Variants in MYRIP observed in about 807,000 individuals in gnomAD.
The protein encoded by MYRIP is myosin VIIA and Rab interacting protein.
Under a neutral mutation model 98.0 loss-of-function variants are expected in MYRIP, and 49 were observed. The ratio of observed to expected loss-of-function variants is 0.50; its 90% confidence interval spans 0.40 to 0.63. The LOEUF (loss-of-function observed/expected upper bound fraction) is 0.63, where lower values mean the gene tolerates loss of function less well. Among genes scored for constraint, MYRIP ranks in the 30% least tolerant of loss-of-function variants. The pLI, the probability that MYRIP is intolerant of heterozygous loss-of-function variation, is 0.00. For missense variants in MYRIP, 1,004 were observed against 1,058.2 expected (o/e 0.95, Z 0.71); for synonymous variants, 404 against 409.5 (o/e 0.99, Z 0.16).
chr3:40,195,796 T>C (rs1290480392), intron 10 of MYRIP, among the ~76,000 whole-genome samples: 3 of 152,162 alleles, frequency 2.0e-5, no homozygotes, highest in Admixed American at 1.3e-4. Context: ...TGGCAAGGGT[T>C]CCCTATTTTA....
chr3:40,055,259 T>C (rs6808392), intron 3 of MYRIP, among the ~76,000 whole-genome samples: 44,264 of 152,034 alleles, frequency 0.29, 6,528 homozygotes, highest in East Asian at 0.35. Flanking sequence ...GAAAACTACT[T>C]CTGAAAATAT....
intron 2 of MYRIP, among the ~76,000 whole-genome samples, chr3:39,951,599 A>G (rs894040787): frequency 4.6e-5 from 7 of 152,190 alleles, no homozygotes; most frequent in Non-Finnish European, 1.0e-4. Flanking sequence ...AACTTTGTGA[A>G]CATTAAATTT....
rs75923535 is a variant in MYRIP, at chr3:40,186,257, C to T, written c.1028-3569C>T. ...TTTTCCTTTCTTCTCAGAGTGAGTG[C>T]TCCACAGCCATGCTCGGAGTCCACT... On this transcript the variant is annotated intron_variant, in intron 9 of 16. Coordinates refer to ENST00000302541, the MANE Select transcript of MYRIP (RefSeq NM_015460.4). Among the ~76,000 whole-genome samples the T allele has an allele frequency of 8.2e-3, 1,251 of 152,156 alleles. 47 individuals are homozygous for T. Among genetic ancestry groups the T allele is most frequent in the Admixed American group, 0.059 (899 of 15,272 alleles).
chr3:40,015,822 C>A (rs1005670337), intron 2 of MYRIP, among the ~76,000 whole-genome samples: 1 of 152,178 alleles, frequency 6.6e-6, no homozygotes, highest in African/African-American at 2.4e-5. Flanking sequence ...ACACCTATAA[C>A]CTAACATCAT....
Position 40,252,000 on chromosome 3 carries a change from G to A in MYRIP, c.2547+1G>A, listed in dbSNP as rs769303792. ...GAAAGGCACCACCAAGGATTTGATGGTAAATGTCATCTCTGTCTTAATGTT... is the reference window on the plus strand; with the variant it reads ...GAAAGGCACCACCAAGGATTTGATGATAAATGTCATCTCTGTCTTAATGTT... On this transcript the variant is annotated splice_donor_variant, in intron 16 of 16. Transcript: ENST00000302541. LOFTEE classifies it high-confidence loss of function. 6.3e-7 allele frequency: 1 copy of A among 1,589,484 alleles called. No homozygotes were observed. The highest frequency in any genetic ancestry group is 8.6e-7 in the Non-Finnish European group (1 of 1,157,872).
At chr3:39,938,706 A>C (rs186572984) in intron 2 of MYRIP, among the ~76,000 whole-genome samples, 3 of 152,202 alleles carry the variant, frequency 2.0e-5, no homozygotes, top group African/African-American at 7.2e-5. Context: ...AGGTCTCACT[A>C]TGTTGCCCAG....
chr3:39,869,064 A>G (rs980845998), intron 1 of MYRIP, among the ~76,000 whole-genome samples: 1 of 152,132 alleles, frequency 6.6e-6, no homozygotes, highest in African/African-American at 2.4e-5. Context: ...TCCTACCTGG[A>G]GTTCTTCAAG....
At position 40,260,055 on chromosome 3, in the gene MYRIP, G is replaced by C. The variant is rs1028578982; in HGVS notation, c.*1889G>C. On this transcript the variant is annotated 3_prime_UTR_variant, in exon 17 of 17. Coordinates refer to ENST00000302541, the MANE Select transcript of MYRIP (RefSeq NM_015460.4). ...TTTCCTTGTGCCAAATAAGTGCAAA[G>C]ATTTAATTTACTATTAAAAACCATA... 5 of 152,606 alleles carry C rather than the reference G, an allele frequency of 3.3e-5. No homozygotes were observed. Among genetic ancestry groups the C allele is most frequent in the Non-Finnish European group, 7.3e-5 (5 of 68,032 alleles). 9.5% of individuals were successfully genotyped at this position (152,606 alleles called of 1,614,324 possible).
chr3:39,818,723 A>G (rs752292166), intron 1 of MYRIP, among the ~76,000 whole-genome samples: 1 of 152,184 alleles, frequency 6.6e-6, no homozygotes, highest in Non-Finnish European at 1.5e-5. Flanking sequence ...ATGTACAAGA[A>G]ACTCTTGAAG....
At chr3:40,194,422 T>C (rs938162855) in intron 10 of MYRIP, among the ~76,000 whole-genome samples, 2 of 152,098 alleles carry the variant, frequency 1.3e-5, no homozygotes, top group African/African-American at 4.8e-5. Context: ...AGAAGCCCGA[T>C]TCCCTTACAA....
At chr3:40,127,458 C>T (rs1363680851) in intron 3 of MYRIP, among the ~76,000 whole-genome samples, 1 of 152,200 alleles carries the variant, frequency 6.6e-6, no homozygotes, top group Non-Finnish European at 1.5e-5. Context: ...GATGTAGTTC[C>T]TTTCTTCCCT....
chr3:40,102,812 T>G (rs1948972060), intron 3 of MYRIP, among the ~76,000 whole-genome samples: 2 of 151,952 alleles, frequency 1.3e-5, no homozygotes, highest in Non-Finnish European at 2.9e-5. Flanking sequence ...TGACCCACAT[T>G]AAGAAGTTCT....
chr3:40,107,300 TG>T (rs1473347320), intron 3 of MYRIP, among the ~76,000 whole-genome samples: 1 of 152,194 alleles, frequency 6.6e-6, no homozygotes, highest in Non-Finnish European at 1.5e-5. Flanking sequence ...GCCTCCAGCT[TG>T]GTTTAATGCT....
At chr3:39,827,788 A>G (rs1941314667) in intron 1 of MYRIP, among the ~76,000 whole-genome samples, 1 of 152,076 alleles carries the variant, frequency 6.6e-6, no homozygotes, top group Non-Finnish European at 1.5e-5. Context: ...AGTGGTGATC[A>G]ATTCCCTGTT....
chr3:40,125,293 G>A (rs1949503039), intron 3 of MYRIP, among the ~76,000 whole-genome samples: 1 of 152,214 alleles, frequency 6.6e-6, no homozygotes, highest in Non-Finnish European at 1.5e-5. Flanking sequence ...TAGGCTGTCT[G>A]TAAGCTTGAG....
intron 2 of MYRIP, among the ~76,000 whole-genome samples, chr3:39,914,087 G>T (rs1487987422): frequency 6.6e-6 from 1 of 152,168 alleles, no homozygotes; most frequent in South Asian, 2.1e-4. Flanking sequence ...TTCTAGAACA[G>T]ACATACAAGA....
At position 40,167,119 on chromosome 3, in the gene MYRIP, A is replaced by G. The variant is rs542335323; in HGVS notation, c.649-40A>G. On this transcript the variant is annotated intron_variant, in intron 6 of 16. Transcript: ENST00000302541. ...GCAAAGTGACTGCCAAGTCACCCCA[A>G]ATCCACCCACAGCACACAGCCATTC... 15 of 1,603,254 alleles carry G rather than the reference A, an allele frequency of 9.4e-6. No homozygotes were observed. The East Asian group carries it at 3.3e-4, about 36-fold the overall frequency.
intron 1 of MYRIP, among the ~76,000 whole-genome samples, chr3:39,833,557 G>A (rs1249186242): frequency 6.9e-6 from 1 of 144,958 alleles, no homozygotes; most frequent in East Asian, 2.0e-4. Context: ...TAGAAATTGA[G>A]AATCAGTGCT....
chr3:39,857,140 G>A (rs892872014), intron 1 of MYRIP, among the ~76,000 whole-genome samples: 2 of 151,924 alleles, frequency 1.3e-5, no homozygotes, highest in African/African-American at 2.4e-5. Flanking sequence ...TTGGGCTTGC[G>A]AGGTCAAGGA....
Sources: allele counts gnomAD v4.1 joint callset (sites outside exome capture counted in the v4.1 genomes callset), GRCh38; gene constraint gnomAD v4.1.1; transcripts MANE v1.5; gene names NCBI Gene and HGNC (gene_info 2026-07-23, HGNC 2026-07-21).